The following AKR1C1 variants were observed in gnomAD, a reference collection of about 807,000 sequenced individuals.
The protein encoded by AKR1C1 is aldo-keto reductase family 1 member C1.
In AKR1C1, 32 loss-of-function variants were observed where a neutral mutation model predicts 40.6. The ratio of observed to expected loss-of-function variants is 0.79; its 90% CI spans 0.60 to 1.06. AKR1C1 has a LOEUF of 1.06. AKR1C1 is among the 50% of genes least tolerant of loss of function. The probability of loss-of-function intolerance (pLI) is 0.00; values close to 1 mark genes in which losing one functional copy is unlikely to be tolerated. For missense variants in AKR1C1, 320 were observed against 363.5 expected (o/e 0.88, Z 0.97); for synonymous variants, 105 against 134.2 (o/e 0.78, Z 1.50).
chr10:4,981,541 A>C lies in AKR1C1; in HGVS notation c.*3799A>C, dbSNP rs1481065693. The C allele has an allele frequency of 6.6e-6, 1 of 152,194 alleles. No individual in the cohort carries two copies. Among genetic ancestry groups the C allele is most frequent in the African/African-American group, 2.4e-5 (1 of 41,436 alleles). The allele number at this position is 152,194 out of a possible 1,614,324, so 9.4% of individuals were successfully genotyped here. On this transcript the variant is annotated 3_prime_UTR_variant, in exon 9 of 9. Transcript: ENST00000380872. ...TTAGTGTGTAGAGATTTACATTGTG[A>C]ATTTCTTTTCAAGAACCAATGCAGA...
At chr10:4,976,628 G>A (rs553929306) in intron 8 of AKR1C1, among the ~76,000 whole-genome samples, 1 of 151,856 alleles carries the variant, frequency 6.6e-6, no homozygotes, top group African/African-American at 2.4e-5. Context: ...AAGCACCATT[G>A]TTGGAGATAA....
chr10:4,974,288 A>G (rs1554770237), intron 7 of AKR1C1, among the ~76,000 whole-genome samples: 2 of 151,918 alleles, frequency 1.3e-5, no homozygotes, highest in Admixed American at 6.6e-5. Context: ...ATGTTAGATT[A>G]ACTAGAAACC....
rs1554771019 is a variant in AKR1C1 at position 4,980,924 on chromosome 10, G to T, written c.*3182G>T. The T allele has an allele frequency of 6.6e-6, 1 of 152,200 alleles. No individual in the cohort carries two copies. Among genetic ancestry groups the T allele is most frequent in the Non-Finnish European group, 1.5e-5 (1 of 68,028 alleles). The allele number at this position is 152,200 out of a possible 1,614,324, so 9.4% of individuals were successfully genotyped here. On this transcript the variant is annotated 3_prime_UTR_variant, in exon 9 of 9. Transcript: ENST00000380872. ...GTTCTTCAGACAAGTCACCATGGTA[G>T]CTGTAGACTTATGAAATGTATTTCC...
At chr10:4,964,016 C>T (rs1588557162) in intron 1 of AKR1C1, 2 of 631,254 alleles carry the variant, frequency 3.2e-6, no homozygotes, top group East Asian at 5.4e-5. Flanking sequence ...ACTATTCTCA[C>T]CTCTGGGAAA....
At chr10:4,973,835 C>T (rs1554770162) in intron 7 of AKR1C1, among the ~76,000 whole-genome samples, 1 of 151,614 alleles carries the variant, frequency 6.6e-6, no homozygotes, top group African/African-American at 2.4e-5. Flanking sequence ...CTTAAGAATA[C>T]ATCCAAGTCT....
At position 4,977,866 on chromosome 10, in the gene AKR1C1, A is replaced by T; in HGVS notation, c.*124A>T. 7.1e-7 allele frequency: 1 copy of T among 1,408,964 alleles called. No individual in the cohort carries two copies. The highest frequency in any genetic ancestry group is 9.7e-7 in the Non-Finnish European group (1 of 1,034,264). 87.3% of individuals were successfully genotyped at this position (1,408,964 alleles called of 1,614,324 possible). On this transcript the variant is annotated 3_prime_UTR_variant, in exon 9 of 9. Coordinates refer to ENST00000380872, the MANE Select transcript of AKR1C1 (RefSeq NM_001353.6). ...TAAATCTCTCCTGCTTGGTGATTTC[A>T]GCAAGCTACAGCAAAGCCCATTGGC...
chr10:4,969,705 C>G (rs962503713), intron 5 of AKR1C1: 2 of 1,612,106 alleles, frequency 1.2e-6, no homozygotes, highest in African/African-American at 1.3e-5. Flanking sequence ...TTCCTTGAGT[C>G]CTGACTGGTG....
chr10:4,965,790 A>T (rs907922165), intron 1 of AKR1C1, 124 bp from the exon 2 acceptor site: 22 of 1,162,798 alleles, frequency 1.9e-5, no homozygotes, highest in Non-Finnish European at 2.5e-5. Flanking sequence ...TGGGCTCATG[A>T]TTCTACATAC....
intron 5 of AKR1C1, among the ~76,000 whole-genome samples, chr10:4,970,719 C>G (rs1395058738): frequency 3.4e-5 from 5 of 148,284 alleles, no homozygotes; most frequent in Admixed American, 6.9e-5. Flanking sequence ...AACAAAAAAC[C>G]AAACACCGCA....
At chr10:4,968,760 C>T in intron 4 of AKR1C1, 62 bp from the exon 5 acceptor site, 1 of 1,612,304 alleles carries the variant, frequency 6.2e-7, no homozygotes, top group South Asian at 1.1e-5. Context: ...ACAGTTGTTA[C>T]TTTCACAGTT....
chr10:4,975,025 T>C (rs1836504435), intron 7 of AKR1C1, among the ~76,000 whole-genome samples: 1 of 152,098 alleles, frequency 6.6e-6, no homozygotes. Context: ...CAATGCATGA[T>C]CATAATATGA....
intron 5 of AKR1C1, among the ~76,000 whole-genome samples, chr10:4,970,232 C>T (rs953871431): frequency 1.3e-5 from 2 of 152,210 alleles, no homozygotes; most frequent in Non-Finnish European, 2.9e-5. Context: ...CTAAGAACAT[C>T]ATCTATAGTG....
Position 4,963,478 on chromosome 10 carries a change from G to T in AKR1C1, c.34G>T (p.Asp12Tyr), listed in dbSNP as rs1176848825. 1 of 1,613,942 alleles carries T rather than the reference G, an allele frequency of 6.2e-7. No individual in the cohort carries two copies. Residue 12 changes from aspartate to tyrosine, a missense_variant, in exon 1 of 9, where the codon GAT (aspartate) becomes TAT (tyrosine). This residue lies in a region of AKR1C1 where 214 missense variants were observed against 214.8 expected (regional missense o/e 1.00). Transcript: ENST00000380872. ...DSKYQCVKLNDGHFMPVLGFG... is the reference protein window; with the variant it reads ...DSKYQCVKLNYGHFMPVLGFG... ...GAAATATCAGTGTGTGAAGCTGAATGATGGTCACTTCATGCCTGTCCTGGG... is the reference window on the plus strand; with the variant it reads ...GAAATATCAGTGTGTGAAGCTGAATTATGGTCACTTCATGCCTGTCCTGGG...
intron 8 of AKR1C1, 96 bp from the exon 9 acceptor site, chr10:4,977,604 A>G: frequency 1.4e-6 from 2 of 1,473,886 alleles, no homozygotes; most frequent in Non-Finnish European, 1.9e-6. Flanking sequence ...ACTTCTTAAC[A>G]TCTACACTAG....
Position 4,972,680 on chromosome 10 carries a change from C to G in AKR1C1, c.777C>G (p.Tyr259Ter). Reference sequence around the variant, plus strand: ...CCCCAGCCCTGATTGCCCTGCGCTACCAGCTACAGCGTGGGGTTGTGGTCC... The same window carrying G: ...CCCCAGCCCTGATTGCCCTGCGCTAGCAGCTACAGCGTGGGGTTGTGGTCC... The part of the protein sequence containing the change: ...KRTPALIALR[Y>*]QLQRGVVVLA... Residue 259 changes from tyrosine to a stop codon, truncating the protein, a stop_gained, in exon 7 of 9, where the codon TAC (tyrosine) becomes TAG (stop). Transcript: ENST00000380872. LOFTEE classifies it high-confidence loss of function. 6.2e-7 allele frequency: 1 copy of G among 1,612,906 alleles called. No homozygotes were observed. The highest frequency in any genetic ancestry group is 8.5e-7 in the Non-Finnish European group (1 of 1,180,042).
In AKR1C1 at chr10:4,983,029, G is replaced by A. The variant is rs541008680; in HGVS notation, c.*5287G>A. 16 of 416,780 alleles carry A rather than the reference G, an allele frequency of 3.8e-5. No homozygotes were observed. The highest frequency in any genetic ancestry group is 7.8e-4 in the Middle Eastern group (1 of 1,284). 25.8% of individuals were successfully genotyped at this position (416,780 alleles called of 1,614,324 possible). On this transcript the variant is annotated 3_prime_UTR_variant, in exon 9 of 9. Coordinates refer to ENST00000380872, the MANE Select transcript of AKR1C1 (RefSeq NM_001353.6). ...TCCCCTGCCACCTCAATCAGAGCTG[G>A]TGCTGGTATCCACTGCTGGGAGACT...
At position 4,979,777 on chromosome 10, in the gene AKR1C1, A is replaced by G. The variant is rs181871628; in HGVS notation, c.*2035A>G. On this transcript the variant is annotated 3_prime_UTR_variant, in exon 9 of 9. Transcript: ENST00000380872. ...TAAAGCCAAACACCTGATTTCAGGA[A>G]CACTTGAGATGTAAGAAAATTTTAT... 1.5e-3 allele frequency: 230 copies of G among 152,082 alleles called. 2 individuals carry two copies. Among genetic ancestry groups the G allele is most frequent in the African/African-American group, 5.3e-3 (220 of 41,468 alleles). 9.4% of individuals were successfully genotyped at this position (152,082 alleles called of 1,614,324 possible).
At chr10:4,977,293 A>G (rs1554770578) in intron 8 of AKR1C1, among the ~76,000 whole-genome samples, 1 of 152,250 alleles carries the variant, frequency 6.6e-6, no homozygotes, top group Non-Finnish European at 1.5e-5. Context: ...TGCTACCAGT[A>G]TAATCATCAC....
intron 1 of AKR1C1, chr10:4,965,670 T>C (rs7893456): frequency 0.12 from 48,885 of 412,772 alleles, 3,219 homozygotes; most frequent in South Asian, 0.18. Flanking sequence ...TGAAATTGTT[T>C]TGGGGACACT....
Sources: allele counts gnomAD v4.1 joint callset (sites outside exome capture counted in the v4.1 genomes callset), GRCh38; gene constraint gnomAD v4.1.1; regional missense constraint gnomAD v4.1.1; transcripts MANE v1.5; gene names NCBI Gene and HGNC (gene_info 2026-07-23, HGNC 2026-07-21).